Variants in GRID2 observed in about 807,000 individuals in gnomAD.
GRID2 encodes the protein glutamate receptor ionotropic, delta-2.
GRID2 carries 33 observed loss-of-function variants against 114.8 expected under a neutral mutation model. The ratio of observed to expected loss-of-function variants is 0.29; its 90% CI spans 0.22 to 0.38. The LOEUF (loss-of-function observed/expected upper bound fraction) is 0.38, where lower values mean the gene tolerates loss of function less well. Among genes scored for constraint, GRID2 ranks in the 10% least tolerant of loss-of-function variants. The pLI is 1.00. For synonymous variants in GRID2, 505 were observed against 449.9 expected, an observed-to-expected ratio of 1.12 and a Z score of -1.55; for missense variants, 1,184 against 1,257.7, an observed-to-expected ratio of 0.94 and a Z score of 0.89.
chr4:93,528,903 G>C (rs1307042958), intron 13 of GRID2, among the ~76,000 whole-genome samples: 18 of 152,258 alleles, frequency 1.2e-4, no homozygotes, highest in South Asian at 2.1e-4. Flanking sequence ...AGCTGAAAGA[G>C]ACTGCAGGGA....
chr4:92,943,477 C>A (rs534404729), intron 2 of GRID2, among the ~76,000 whole-genome samples: 1 of 152,138 alleles, frequency 6.6e-6, no homozygotes, highest in Non-Finnish European at 1.5e-5. Flanking sequence ...TTTAGCCATT[C>A]ATCTAATTTT....
chr4:93,644,046 G>A lies in GRID2; in HGVS notation c.2360+17611G>A, dbSNP rs1178858751. Among the ~76,000 whole-genome samples, 28 of 79,398 alleles carry A rather than the reference G, an allele frequency of 3.5e-4. 6 individuals carry two copies. The highest frequency in any genetic ancestry group is 1.2e-3 in the African/African-American group (15 of 12,402). 52.1% of individuals were successfully genotyped at this position (79,398 alleles called of 152,430 possible). A position where few individuals can be genotyped will look rare whatever the true frequency, so the allele number is the denominator to read the frequency against. Reference sequence around the variant, plus strand: ...CGTTTCTTAAGCCGGTCTGAAAAGCGCAATATTCGGGTGGGAGTGACCCGA... The same window carrying A: ...CGTTTCTTAAGCCGGTCTGAAAAGCACAATATTCGGGTGGGAGTGACCCGA... On this transcript the variant is annotated intron_variant, in intron 14 of 15. Transcript: ENST00000282020.
intron 12 of GRID2, among the ~76,000 whole-genome samples, chr4:93,499,115 G>A (rs1340043183): frequency 6.6e-6 from 1 of 151,752 alleles, no homozygotes; most frequent in Non-Finnish European, 1.5e-5. Flanking sequence ...CAAGGTAGAG[G>A]CTAACTATAT....
intron 8 of GRID2, among the ~76,000 whole-genome samples, chr4:93,266,448 C>T (rs1750839438): frequency 6.6e-6 from 1 of 152,036 alleles, no homozygotes; most frequent in Non-Finnish European, 1.5e-5. Flanking sequence ...ACACACACAT[C>T]CACCTGTTCA....
intron 4 of GRID2, among the ~76,000 whole-genome samples, chr4:93,163,694 A>T (rs1486100900): frequency 6.6e-6 from 1 of 151,824 alleles, no homozygotes; most frequent in East Asian, 1.9e-4. Context: ...CCAAAAAAAG[A>T]AGTAAAACCA....
intron 2 of GRID2, among the ~76,000 whole-genome samples, chr4:92,733,919 G>A (rs1736457010): frequency 6.6e-6 from 1 of 151,984 alleles, no homozygotes; most frequent in Admixed American, 6.6e-5. Context: ...AGAGGAGCAG[G>A]GAGCCCAGAG....
intron 8 of GRID2, among the ~76,000 whole-genome samples, chr4:93,321,047 G>A (rs1290372529): frequency 6.6e-6 from 1 of 152,036 alleles, no homozygotes; most frequent in Non-Finnish European, 1.5e-5. Flanking sequence ...CCCAAATTGG[G>A]CAAGCTGATG....
At chr4:92,331,698 T>G (rs1339783142) in intron 1 of GRID2, among the ~76,000 whole-genome samples, 1 of 152,122 alleles carries the variant, frequency 6.6e-6, no homozygotes, top group East Asian at 1.9e-4. Flanking sequence ...AGCCAGACAA[T>G]TTTTTTAAAA....
chr4:93,308,684 A>G (rs917567503), intron 8 of GRID2, among the ~76,000 whole-genome samples: 1 of 152,238 alleles, frequency 6.6e-6, no homozygotes, highest in African/African-American at 2.4e-5. Flanking sequence ...TAGTCTGTGA[A>G]TCCTTTGGAG....
intron 2 of GRID2, among the ~76,000 whole-genome samples, chr4:92,652,861 AATAC>A (rs959928427): frequency 2.8e-5 from 3 of 106,738 alleles, no homozygotes; most frequent in African/African-American, 1.0e-4. Context: ...ATAATATATA[AATAC>A]ATATAAATAT....
intron 4 of GRID2, among the ~76,000 whole-genome samples, chr4:93,124,797 TA>T: frequency 6.6e-6 from 1 of 152,186 alleles, no homozygotes; most frequent in Middle Eastern, 3.4e-3. Flanking sequence ...CAGAGCAAAT[TA>T]AGGTCAATTT....
rs762100538 is a variant in GRID2, at chr4:93,207,409, G to A, written c.741G>A (p.Val247=). The A allele has an allele frequency of 1.0e-5, 16 of 1,597,708 alleles. No individual in the cohort carries two copies. Among genetic ancestry groups the A allele is most frequent in the Admixed American group, 8.4e-5 (5 of 59,800 alleles). Residue 247 remains valine (V), a synonymous_variant, in exon 5 of 16, where the codon GTG becomes GTA. Transcript: ENST00000282020. ...TGATTTGTTTTCTATTCTAGGTTGT[G>A]GAGACTAATTTGGTTGCTTTTGACT... is the stretch of plus-strand genomic sequence containing the variant. The part of the protein sequence containing the change: ...ATAKSFITEV[V]ETNLVAFDCH...
intron 8 of GRID2, among the ~76,000 whole-genome samples, chr4:93,364,712 C>T (rs906410844): frequency 2.0e-5 from 3 of 152,052 alleles, no homozygotes; most frequent in Admixed American, 6.6e-5. Context: ...TTTGGGGCCT[C>T]GAGTGATCCT....
chr4:92,406,784 ATAAGTAAG>A (rs1731046856), intron 1 of GRID2, among the ~76,000 whole-genome samples: 1 of 151,616 alleles, frequency 6.6e-6, no homozygotes, highest in African/African-American at 2.4e-5. Context: ...GCTCCTACTT[ATAAGTAAG>A]AACATGTGGT....
intron 1 of GRID2, among the ~76,000 whole-genome samples, chr4:92,451,225 T>A (rs1720906759): frequency 6.6e-6 from 1 of 152,078 alleles, no homozygotes; most frequent in African/African-American, 2.4e-5. Context: ...TGCCCACAGA[T>A]AATTGGAGAA....
intron 2 of GRID2, among the ~76,000 whole-genome samples, chr4:92,782,576 A>G (rs1172239636): frequency 2.0e-5 from 3 of 152,284 alleles, no homozygotes; most frequent in East Asian, 3.9e-4. Flanking sequence ...TTACTCAAAG[A>G]CTATACTGTT....
At chr4:93,099,305 T>C (rs1053027112) in intron 3 of GRID2, among the ~76,000 whole-genome samples, 1 of 151,952 alleles carries the variant, frequency 6.6e-6, no homozygotes, top group African/African-American at 2.4e-5. Context: ...TTTTAGAACA[T>C]ACCCTTTGAA....
intron 1 of GRID2, among the ~76,000 whole-genome samples, chr4:92,572,282 C>G (rs921588966): frequency 6.6e-6 from 1 of 152,132 alleles, no homozygotes; most frequent in South Asian, 2.1e-4. Flanking sequence ...AGAAAATCTA[C>G]AAGAAATGGA....
chr4:92,909,337 A>G (rs1748198465), intron 2 of GRID2, among the ~76,000 whole-genome samples: 1 of 151,930 alleles, frequency 6.6e-6, no homozygotes, highest in Non-Finnish European at 1.5e-5. Context: ...ATATATCTCT[A>G]ATAAAAGAGC....
Sources: allele counts gnomAD v4.1 joint callset (sites outside exome capture counted in the v4.1 genomes callset), GRCh38; gene constraint gnomAD v4.1.1; transcripts MANE v1.5; gene names NCBI Gene and HGNC (gene_info 2026-07-23, HGNC 2026-07-21).